The following SREBF2 variants were observed in gnomAD, a reference collection of about 807,000 sequenced individuals.
The protein encoded by SREBF2 is sterol regulatory element-binding protein 2.
SREBF2 carries 55 observed loss-of-function variants against 113.1 expected under a neutral mutation model. The observed-to-expected ratio is 0.49, with a 90% confidence interval of 0.39 to 0.61. The LOEUF (loss-of-function observed/expected upper bound fraction) is 0.61. SREBF2 is among the 20% of genes least tolerant of loss of function. The pLI, the probability that SREBF2 is intolerant of heterozygous loss-of-function variation, is 0.00. For missense variants in SREBF2, 1,349 were observed against 1,487.4 expected (o/e 0.91, Z 1.53); for synonymous variants, 593 against 605.7 (o/e 0.98, Z 0.31).
At chr22:41,895,675 A>G (rs141911719) in intron 13 of SREBF2, among the ~76,000 whole-genome samples, 8,934 of 151,708 alleles carry the variant, frequency 0.059, 319 homozygotes, top group Non-Finnish European at 0.08. Context: ...ATCTCGGGCA[A>G]TCCGCCTGCC....
intron 1 of SREBF2, among the ~76,000 whole-genome samples, chr22:41,836,305 T>C (rs1366226479): frequency 1.3e-5 from 2 of 152,226 alleles, no homozygotes. Context: ...TAGCATAGAA[T>C]TTTATGGCTT....
At chr22:41,880,423 C>T (rs1340160874) in intron 9 of SREBF2, among the ~76,000 whole-genome samples, 2 of 148,152 alleles carry the variant, frequency 1.3e-5, no homozygotes, top group Admixed American at 6.8e-5. Context: ...AAAAGTGCTA[C>T]TCTGAGGGAA....
At chr22:41,852,163 C>T (rs777533888) in intron 1 of SREBF2, among the ~76,000 whole-genome samples, 66 of 150,260 alleles carry the variant, frequency 4.4e-4, no homozygotes, top group Non-Finnish European at 6.7e-4. Context: ...GGGACCTGGC[C>T]TGGGAGTGAA....
At position 41,833,414 on chromosome 22, in the gene SREBF2, C is replaced by G; in HGVS notation, c.88+56C>G. The G allele has an allele frequency of 2.0e-6, 3 of 1,467,470 alleles. No individual in the cohort carries two copies. The South Asian group carries it at 3.7e-5, about 18-fold the overall frequency. 90.9% of individuals were successfully genotyped at this position (1,467,470 alleles called of 1,614,324 possible). On this transcript the variant is annotated intron_variant, in intron 1 of 18. Transcript: ENST00000361204. The surrounding 1 kb of genome is among the most constrained non-coding windows in gnomAD (Gnocchi z 4.1). ...CCGCGCGGGGAGGAAGGGGTTACGG[C>G]GGCGCGCCCGGGTGCGCGTGCGCCC...
intron 1 of SREBF2, among the ~76,000 whole-genome samples, chr22:41,866,104 A>C (rs1213769608): frequency 2.6e-5 from 4 of 152,188 alleles, no homozygotes; most frequent in African/African-American, 4.8e-5. Flanking sequence ...AGGTGGCCTC[A>C]CAAGCCAAAA....
At chr22:41,904,807 G>C (rs934648215) in intron 17 of SREBF2, 56 bp from the exon 18 acceptor site, 2 of 1,366,614 alleles carry the variant, frequency 1.5e-6, no homozygotes, top group Non-Finnish European at 2.0e-6. Context: ...AGCTACCCTG[G>C]GCATAGATGG....
chr22:41,900,147 C>G, intron 15 of SREBF2, 183 bp from the exon 16 acceptor site: 1 of 1,492,994 alleles, frequency 6.7e-7, no homozygotes, highest in Non-Finnish European at 8.9e-7. Flanking sequence ...GGCGCTAACC[C>G]TAGCTCAGGG....
intron 1 of SREBF2, among the ~76,000 whole-genome samples, chr22:41,866,616 A>C (rs1440224910): frequency 1.3e-5 from 2 of 152,194 alleles, no homozygotes; most frequent in African/African-American, 4.8e-5. Flanking sequence ...AGGGAAAAGA[A>C]CATCAAACAG....
chr22:41,844,048 A>ACACACACACG (rs776588728), intron 1 of SREBF2, among the ~76,000 whole-genome samples: 1,486 of 146,018 alleles, frequency 0.01, 19 homozygotes, highest in Non-Finnish European at 0.017. Flanking sequence ...ACACACACAC[A>ACACACACACG]CACACACACA....
intron 13 of SREBF2, among the ~76,000 whole-genome samples, chr22:41,895,728 G>T (rs190797324): frequency 6.6e-6 from 1 of 151,778 alleles, no homozygotes; most frequent in African/African-American, 2.4e-5. Flanking sequence ...GAGCCACCAC[G>T]CCTGGCAGGT....
intron 1 of SREBF2, among the ~76,000 whole-genome samples, chr22:41,839,281 A>T (rs1403817453): frequency 6.6e-6 from 1 of 152,182 alleles, no homozygotes; most frequent in Admixed American, 6.5e-5. Flanking sequence ...GGGGTCATCC[A>T]TTAGGAAATG....
chr22:41,875,513 C>G (rs374579488), intron 6 of SREBF2, 30 bp from the exon 7 acceptor site: 1 of 1,614,056 alleles, frequency 6.2e-7, no homozygotes, highest in African/African-American at 1.3e-5. Flanking sequence ...AAAAGCAGAT[C>G]ATTTTCACCA....
intron 1 of SREBF2, among the ~76,000 whole-genome samples, chr22:41,848,705 TA>T (rs1476627641): frequency 6.6e-6 from 1 of 151,720 alleles, no homozygotes; most frequent in Non-Finnish European, 1.5e-5. Context: ...GAGGAAGGAG[TA>T]AGGCTCCTAT....
Position 41,906,123 on chromosome 22 carries a change from G to T in SREBF2, c.*463G>T. The T allele has an allele frequency of 2.5e-6, 1 of 401,680 alleles. No individual in the cohort carries two copies. Among genetic ancestry groups the T allele is most frequent in the Non-Finnish European group, 5.0e-6 (1 of 200,424 alleles). The allele number at this position is 401,680 out of a possible 1,614,324, so 24.9% of individuals were successfully genotyped here. A position where few individuals can be genotyped will look rare whatever the true frequency, so the allele number is the denominator to read the frequency against. On this transcript the variant is annotated 3_prime_UTR_variant, in exon 19 of 19. Coordinates refer to ENST00000361204, the MANE Select transcript of SREBF2 (RefSeq NM_004599.4). The stretch of plus-strand genomic sequence containing the variant: ...TTATACGAATGTTTTCTACCAGTGT[G>T]CTTGGGTTTGCCATGATGCGAGGCT...
At chr22:41,853,860 C>T (rs1052888308) in intron 1 of SREBF2, among the ~76,000 whole-genome samples, 4 of 151,736 alleles carry the variant, frequency 2.6e-5, no homozygotes, top group Admixed American at 2.6e-4. Context: ...ACGGTGAAAC[C>T]CCGTCTCTAC....
rs545067536 is a variant in SREBF2, at chr22:41,894,832, C to T, written c.2390C>T (p.Ala797Val). 14 of 1,614,080 alleles carry T rather than the reference C, an allele frequency of 8.7e-6. No homozygotes were observed. In the Admixed American group the frequency reaches 1.3e-4, roughly 15 times the overall value. The change falls in exon 13 of 19, where the codon GCG (alanine) becomes GTG (valine). Residue 797 changes from alanine (A) to valine (V), a missense_variant. Physicochemically the swap from Ala to Val is moderately conservative, Grantham distance 64 (BLOSUM62 0). Around this residue, in one of 2 missense-constraint regions of SREBF2, gnomAD observed 650 missense variants for 644.1 expected, o/e 1.01. Transcript: ENST00000361204. ...CAQRNPADPI[A>V]QVHQAFCKNL... ...GTCTCTTTTCCAGCTGACCCCATTGCGCAGGTCCACCAGGCCTTCTGCAAG... is the reference window on the plus strand; with the variant it reads ...GTCTCTTTTCCAGCTGACCCCATTGTGCAGGTCCACCAGGCCTTCTGCAAG...
rs1475737338 is a variant in SREBF2 at position 41,905,968 on chromosome 22, TCTCTCTCCTGAACCCTA to T, written c.*318_*334del. ...CCCCTGCCTCCAGCCTTCCTGAGTT[TCTCTCTCCTGAACCCTA>T]CTCTCTCCTTTTTGCTTCCTCAGTT... On this transcript the variant is annotated 3_prime_UTR_variant, in exon 19 of 19. Transcript: ENST00000361204. 2.2e-5 allele frequency: 13 copies of T among 602,096 alleles called. No individual in the cohort carries two copies. The highest frequency in any genetic ancestry group is 4.0e-5 in the Non-Finnish European group (13 of 321,090). 37.3% of individuals were successfully genotyped at this position (602,096 alleles called of 1,614,324 possible). A position where few individuals can be genotyped will look rare whatever the true frequency, so the allele number is the denominator to read the frequency against.
intron 1 of SREBF2, among the ~76,000 whole-genome samples, chr22:41,863,398 T>C (rs927868087): frequency 6.6e-6 from 1 of 152,232 alleles, no homozygotes; most frequent in Non-Finnish European, 1.5e-5. Flanking sequence ...TTCTTCTGGC[T>C]CTGTGTTACA....
At chr22:41,898,845 G>A in intron 15 of SREBF2, 64 bp downstream of exon 15, 2 of 1,597,686 alleles carry the variant, frequency 1.3e-6, no homozygotes, top group Admixed American at 1.7e-5. Context: ...GAGTTAGCAG[G>A]AGCAAACTGG....
Sources: allele counts gnomAD v4.1 joint callset (sites outside exome capture counted in the v4.1 genomes callset), GRCh38; gene constraint gnomAD v4.1.1; regional missense constraint gnomAD v4.1.1; non-coding constraint Gnocchi (gnomAD v3.1); transcripts MANE v1.5; gene names NCBI Gene and HGNC (gene_info 2026-07-23, HGNC 2026-07-21).